Variants in CNTNAP2 observed in about 807,000 individuals in gnomAD.
CNTNAP2 encodes the protein contactin associated protein 2.
Under a neutral mutation model 155.2 loss-of-function variants are expected in CNTNAP2, and 98 were observed. That is an observed-to-expected ratio of 0.63 (90% CI 0.54 to 0.75). CNTNAP2 has a LOEUF of 0.75. CNTNAP2 is among the 30% of genes least tolerant of loss of function. CNTNAP2 has a pLI of 0.00. For synonymous variants in CNTNAP2, 651 were observed against 631.2 expected, an observed-to-expected ratio of 1.03 and a Z score of -0.47; for missense variants, 1,727 against 1,688.1, an observed-to-expected ratio of 1.02 and a Z score of -0.40.
chr7:146,996,713 C>A (rs568930064), intron 3 of CNTNAP2, among the ~76,000 whole-genome samples: 2 of 151,890 alleles, frequency 1.3e-5, no homozygotes, highest in Non-Finnish European at 2.9e-5. Flanking sequence ...TTCCTTTTGC[C>A]TAATTGTTCT....
intron 15 of CNTNAP2, among the ~76,000 whole-genome samples, chr7:148,048,620 T>C (rs550004736): frequency 6.6e-6 from 1 of 152,090 alleles, no homozygotes; most frequent in African/African-American, 2.4e-5. Context: ...AATGTGCAAA[T>C]TGAGCTAAGA....
intron 9 of CNTNAP2, among the ~76,000 whole-genome samples, chr7:147,301,592 CTGTGTGTGTG>C (rs10585570): frequency 0.095 from 9,653 of 101,340 alleles, 604 homozygotes; most frequent in African/African-American, 0.2. Flanking sequence ...CTCTCTCTCT[CTGTGTGTGTG>C]TGTGTGTGTG....
At chr7:146,147,283 A>G (rs1797971172) in intron 1 of CNTNAP2, among the ~76,000 whole-genome samples, 1 of 152,156 alleles carries the variant, frequency 6.6e-6, no homozygotes, top group Admixed American at 6.6e-5. Flanking sequence ...TTTAGTTCAT[A>G]AAGTAAGAAG....
At chr7:147,932,590 C>A (rs1211692187) in intron 14 of CNTNAP2, among the ~76,000 whole-genome samples, 2 of 152,154 alleles carry the variant, frequency 1.3e-5, no homozygotes, top group African/African-American at 4.8e-5. Context: ...AACGTAAGAC[C>A]TGAAACTGTA....
chr7:146,778,918 C>T (rs1802435923), intron 2 of CNTNAP2, among the ~76,000 whole-genome samples: 1 of 152,228 alleles, frequency 6.6e-6, no homozygotes, highest in South Asian at 2.1e-4. Context: ...AACACCTGAT[C>T]TCAACGGTTG....
At chr7:148,258,638 G>A (rs544063287) in intron 20 of CNTNAP2, among the ~76,000 whole-genome samples, 7 of 152,314 alleles carry the variant, frequency 4.6e-5, no homozygotes, top group South Asian at 2.1e-4. Flanking sequence ...TAAGGGGTGC[G>A]AGTTGAGCTG....
intron 9 of CNTNAP2, among the ~76,000 whole-genome samples, chr7:147,358,571 A>C (rs780448361): frequency 1.2e-4 from 19 of 152,142 alleles, no homozygotes; most frequent in South Asian, 4.1e-4. Context: ...GATTTATGGC[A>C]TCCATTTTAA....
At chr7:146,914,268 A>G (rs1324237402) in intron 3 of CNTNAP2, among the ~76,000 whole-genome samples, 1 of 151,932 alleles carries the variant, frequency 6.6e-6, no homozygotes, top group Non-Finnish European at 1.5e-5. Flanking sequence ...ATGTGCAAGT[A>G]TCTTTTTTGT....
intron 1 of CNTNAP2, among the ~76,000 whole-genome samples, chr7:146,546,312 C>T (rs17513926): frequency 0.38 from 57,526 of 151,712 alleles, 12,410 homozygotes; most frequent in Non-Finnish European, 0.48. Flanking sequence ...TGGATTATTG[C>T]GTGTGGCATT....
At chr7:148,115,722 C>T (rs570083221) in intron 15 of CNTNAP2, among the ~76,000 whole-genome samples, 1 of 152,106 alleles carries the variant, frequency 6.6e-6, no homozygotes, top group Non-Finnish European at 1.5e-5. Context: ...CTTTGCAAAG[C>T]GCCTTTCTGT....
intron 14 of CNTNAP2, among the ~76,000 whole-genome samples, chr7:147,919,459 C>CTTTCTTTTTTTTTTTTTTTT (rs58537091): frequency 0.021 from 1,071 of 51,150 alleles, 286 homozygotes; most frequent in Non-Finnish European, 0.028. Flanking sequence ...CTTTTTCTTT[C>CTTTCTTTTTTTTTTTTTTTT]TTTTTTTTTT....
chr7:146,965,959 C>A lies in CNTNAP2; in HGVS notation c.403-77948C>A, dbSNP rs1460254822. On this transcript the variant is annotated intron_variant, in intron 3 of 23. Coordinates refer to ENST00000361727, the MANE Select transcript of CNTNAP2 (RefSeq NM_014141.6). Reference sequence around the variant, plus strand: ...TATCATTATGGTTGTTCAGAGGTAACCCTTGGCATCAGTTCTGACTCTCTC... The same window carrying A: ...TATCATTATGGTTGTTCAGAGGTAAACCTTGGCATCAGTTCTGACTCTCTC... Among the ~76,000 whole-genome samples, 6 of 152,122 alleles carry A rather than the reference C, an allele frequency of 3.9e-5. No individual in the cohort carries two copies. In the East Asian group the frequency reaches 7.8e-4, roughly 20 times the overall value.
chr7:147,509,281 T>C (rs999829822), intron 11 of CNTNAP2, among the ~76,000 whole-genome samples: 7 of 152,198 alleles, frequency 4.6e-5, no homozygotes, highest in African/African-American at 1.7e-4. Flanking sequence ...GAAAGAGCAA[T>C]ACAGAGTTGT....
Position 148,106,493 on chromosome 7 carries a change from G to GATAGATAGATAGATATAT in CNTNAP2, c.2384-11622_2384-11621insGATAGATAGATATATATA, listed in dbSNP as rs1490418389. On this transcript the variant is annotated intron_variant, in intron 15 of 23. Transcript: ENST00000361727. ...CACTTCAGTGTACTGCACACTTTGAGATATATATATATATATATATATATA... is the reference window on the plus strand; with the variant it reads ...CACTTCAGTGTACTGCACACTTTGAGATAGATAGATAGATATATATATATATATATATATATATATATA... 4.6e-4 allele frequency among the ~76,000 whole-genome samples: 57 copies of GATAGATAGATAGATATAT among 124,908 alleles called. 2 individuals carry two copies. The highest frequency in any genetic ancestry group is 1.9e-3 in the African/African-American group (56 of 28,992). The allele number at this position is 124,908 out of a possible 152,430, so 81.9% of individuals were successfully genotyped here. A position where few individuals can be genotyped will look rare whatever the true frequency, so the allele number is the denominator to read the frequency against.
At chr7:146,720,980 A>G (rs967105982) in intron 1 of CNTNAP2, among the ~76,000 whole-genome samples, 31 of 121,066 alleles carry the variant, frequency 2.6e-4, no homozygotes, top group Non-Finnish European at 3.1e-5. Context: ...TATATAGACT[A>G]TATATACTGT....
At chr7:147,459,714 C>T (rs979990005) in intron 10 of CNTNAP2, among the ~76,000 whole-genome samples, 3 of 152,184 alleles carry the variant, frequency 2.0e-5, no homozygotes, top group African/African-American at 7.2e-5. Flanking sequence ...TTCTCTCCAA[C>T]AAGAACTTCC....
At chr7:146,513,691 C>A (rs1203558558) in intron 1 of CNTNAP2, among the ~76,000 whole-genome samples, 5 of 151,854 alleles carry the variant, frequency 3.3e-5, no homozygotes, top group Non-Finnish European at 7.4e-5. Context: ...GTGTTTTAGT[C>A]TTCATACTAT....
intron 1 of CNTNAP2, among the ~76,000 whole-genome samples, chr7:146,220,087 T>C (rs1291082650): frequency 6.6e-6 from 1 of 152,180 alleles, no homozygotes; most frequent in African/African-American, 2.4e-5. Context: ...CCAATCCCAA[T>C]ACATCATACC....
intron 1 of CNTNAP2, among the ~76,000 whole-genome samples, chr7:146,709,745 G>A (rs906984518): frequency 2.0e-5 from 3 of 152,190 alleles, no homozygotes; most frequent in African/African-American, 7.2e-5. Context: ...AGGAGGGCCA[G>A]ACTGGAGTTG....
Sources: gnomAD v4.1 joint callset for allele counts (sites outside exome capture counted in the v4.1 genomes callset) on GRCh38, gnomAD v4.1.1 for gene constraint, MANE v1.5 for transcripts, NCBI Gene and HGNC (gene_info 2026-07-23, HGNC 2026-07-21) for gene names.